The following REC114 variants were observed in gnomAD, a reference collection of about 807,000 sequenced individuals.
REC114 encodes REC114 meiotic recombination protein.
Under a neutral mutation model 31.3 loss-of-function variants are expected in REC114, and 27 were observed. The ratio of observed to expected loss-of-function variants is 0.86; its 90% CI spans 0.64 to 1.19. The LOEUF (loss-of-function observed/expected upper bound fraction) is 1.19, where lower values mean the gene tolerates loss of function less well. Among genes scored for constraint, REC114 ranks in the 50% most tolerant of loss-of-function variants. The pLI is 0.00. For missense variants in REC114, 344 were observed against 326.9 expected (o/e 1.05, Z -0.40); for synonymous variants, 134 against 127.7 (o/e 1.05, Z -0.33).
chr15:73,524,587 AG>A (rs1893980518), intron 2 of REC114, among the ~76,000 whole-genome samples: 2 of 152,020 alleles, frequency 1.3e-5, no homozygotes, highest in South Asian at 4.2e-4. Flanking sequence ...ACAAGAACGG[AG>A]GTTTCTTTTT....
intron 2 of REC114, among the ~76,000 whole-genome samples, chr15:73,506,072 A>G (rs1170703496): frequency 6.6e-6 from 1 of 152,078 alleles, no homozygotes; most frequent in Non-Finnish European, 1.5e-5. Flanking sequence ...AAATGTTTTC[A>G]TATTGATTTA....
At chr15:73,525,494 C>T (rs1456500629) in intron 2 of REC114, among the ~76,000 whole-genome samples, 1 of 151,718 alleles carries the variant, frequency 6.6e-6, no homozygotes, top group Admixed American at 6.6e-5. Flanking sequence ...CCTTTGAGTA[C>T]TATTTTCACT....
Position 73,542,330 on chromosome 15 carries a change from CAAAAAAAAAAA to C in REC114, c.333+1765_333+1775del, listed in dbSNP as rs749245201. ...TGGGCAACAGAGCAAGACTCTGTCT[CAAAAAAAAAAA>C]AAGAAAAAAAAAAAGAAAAAAGAAA... On this transcript the variant is annotated intron_variant, in intron 3 of 5. Coordinates refer to ENST00000331090, the MANE Select transcript of REC114 (RefSeq NM_001042367.2). Among the ~76,000 whole-genome samples the C allele has an allele frequency of 4.9e-3, 243 of 49,880 alleles. 1 individual carries two copies. The highest frequency in any genetic ancestry group is 0.012 in the Middle Eastern group (1 of 82). The allele number at this position is 49,880 out of a possible 152,430, so 32.7% of individuals were successfully genotyped here. A position where few individuals can be genotyped will look rare whatever the true frequency, so the allele number is the denominator to read the frequency against.
At chr15:73,468,503 C>G (rs1893091591) in intron 1 of REC114, among the ~76,000 whole-genome samples, 1 of 152,024 alleles carries the variant, frequency 6.6e-6, no homozygotes, top group African/African-American at 2.4e-5. Context: ...ATCATGTTGT[C>G]TGTGAATAAA....
At chr15:73,454,949 C>G (rs1351495161) in intron 1 of REC114, among the ~76,000 whole-genome samples, 1 of 152,144 alleles carries the variant, frequency 6.6e-6, no homozygotes, top group Non-Finnish European at 1.5e-5. Flanking sequence ...TTATAAGGAA[C>G]AGTGCTTTTA....
At position 73,463,233 on chromosome 15, in the gene REC114, G is replaced by A. The variant is rs567454658; in HGVS notation, c.160-10599G>A. ...TTGACCTCACCTCTCTCTCTTCCTT[G>A]CGGTTTAAGAAATCAGGTTGTTCTA... On this transcript the variant is annotated intron_variant, in intron 1 of 5. Coordinates refer to ENST00000331090, the MANE Select transcript of REC114 (RefSeq NM_001042367.2). Among the ~76,000 whole-genome samples the A allele has an allele frequency of 3.3e-5, 5 of 152,002 alleles. No homozygotes were observed. The South Asian group carries it at 8.3e-4, about 25-fold the overall frequency.
intron 1 of REC114, among the ~76,000 whole-genome samples, chr15:73,448,093 T>G (rs1892792236): frequency 6.7e-6 from 1 of 149,250 alleles, no homozygotes; most frequent in African/African-American, 2.6e-5. Flanking sequence ...CTGCAGGAGT[T>G]TGTTTGTTTT....
At chr15:73,476,851 G>A (rs923681982) in intron 2 of REC114, among the ~76,000 whole-genome samples, 2 of 152,030 alleles carry the variant, frequency 1.3e-5, no homozygotes, top group African/African-American at 4.8e-5. Context: ...ATTTGTATAC[G>A]AGCCTTTGGG....
intron 2 of REC114, among the ~76,000 whole-genome samples, chr15:73,497,412 A>C (rs1893543518): frequency 6.6e-6 from 1 of 152,136 alleles, no homozygotes; most frequent in Non-Finnish European, 1.5e-5. Flanking sequence ...TGCTCACTTC[A>C]TTCTGTAGGT....
chr15:73,532,083 A>T (rs1894093363), intron 2 of REC114, among the ~76,000 whole-genome samples: 1 of 149,774 alleles, frequency 6.7e-6, no homozygotes, highest in East Asian at 2.0e-4. Flanking sequence ...AGCTGCACCC[A>T]CTAACTCGTC....
chr15:73,478,548 T>A (rs754956323), intron 2 of REC114, among the ~76,000 whole-genome samples: 1 of 152,210 alleles, frequency 6.6e-6, no homozygotes, highest in Non-Finnish European at 1.5e-5. Flanking sequence ...TTTTCAAAGT[T>A]GTTTTGACTA....
At chr15:73,498,804 A>T (rs1397784820) in intron 2 of REC114, among the ~76,000 whole-genome samples, 1 of 152,232 alleles carries the variant, frequency 6.6e-6, no homozygotes, top group Non-Finnish European at 1.5e-5. Context: ...GATTAGAAAT[A>T]GCCTTGCCTC....
intron 1 of REC114, among the ~76,000 whole-genome samples, chr15:73,454,732 T>G (rs538704977): frequency 1.2e-4 from 19 of 152,306 alleles, no homozygotes; most frequent in Admixed American, 9.2e-4. Flanking sequence ...GGTGACATAT[T>G]TAATTTTTGA....
At position 73,533,763 on chromosome 15, in the gene REC114, A is replaced by C. The variant is rs1475511709; in HGVS notation, c.250-6722A>C. Among the ~76,000 whole-genome samples the C allele has an allele frequency of 6.4e-4, 93 of 145,812 alleles. No homozygotes were observed. The East Asian group carries it at 0.016, about 26-fold the overall frequency. On this transcript the variant is annotated intron_variant, in intron 2 of 5. Transcript: ENST00000331090. Reference sequence around the variant, plus strand: ...TTTTCAGCACCACACCACACCTATTACAAAATTGACCACATACTGGGAAGT... The same window carrying C: ...TTTTCAGCACCACACCACACCTATTCCAAAATTGACCACATACTGGGAAGT...
intron 1 of REC114, among the ~76,000 whole-genome samples, chr15:73,452,744 T>C (rs1348184605): frequency 4.6e-5 from 7 of 152,298 alleles, no homozygotes; most frequent in Admixed American, 4.6e-4. Flanking sequence ...ACTACAAGTC[T>C]ACAGTAACCA....
In REC114 at chr15:73,552,157, A is replaced by G. The variant is rs555940104; in HGVS notation, c.546+1007A>G. 1.1e-4 allele frequency among the ~76,000 whole-genome samples: 17 copies of G among 152,368 alleles called. No individual in the cohort carries two copies. The South Asian group carries it at 3.5e-3, about 32-fold the overall frequency. On this transcript the variant is annotated intron_variant, in intron 4 of 5. Transcript: ENST00000331090. ...GTTTATTGCCATGGTTTCAGATTCT[A>G]TATTGCAACTTAACTTTAAGCAACT... is the stretch of plus-strand genomic sequence containing the variant.
chr15:73,444,465 T>G (rs900666089), intron 1 of REC114, among the ~76,000 whole-genome samples: 1 of 152,212 alleles, frequency 6.6e-6, no homozygotes, highest in Non-Finnish European at 1.5e-5. Flanking sequence ...GGAAACCACT[T>G]TCTTTGCTCA....
Position 73,559,927 on chromosome 15 carries a change from A to ACATATATAACTAAGGAACTT in REC114, c.*14_*33dup. 1.9e-6 allele frequency: 3 copies of ACATATATAACTAAGGAACTT among 1,572,856 alleles called. No individual in the cohort carries two copies. Among genetic ancestry groups the ACATATATAACTAAGGAACTT allele is most frequent in the South Asian group, 2.4e-5 (2 of 82,676 alleles). On this transcript the variant is annotated 3_prime_UTR_variant, in exon 6 of 6. Coordinates refer to ENST00000331090, the MANE Select transcript of REC114 (RefSeq NM_001042367.2). Reference sequence around the variant, plus strand: ...GGTTTGAGAAATTAATGCTCTATATACATATATAACTAAGGAACTTCAAAG... The same window carrying ACATATATAACTAAGGAACTT: ...GGTTTGAGAAATTAATGCTCTATATACATATATAACTAAGGAACTTCATATATAACTAAGGAACTTCAAAG...
intron 1 of REC114, among the ~76,000 whole-genome samples, chr15:73,472,773 G>A (rs1480103599): frequency 6.6e-6 from 1 of 151,980 alleles, no homozygotes; most frequent in Non-Finnish European, 1.5e-5. Context: ...TCGATAGGTT[G>A]GAACTATAGA....
Sources: gnomAD v4.1 joint callset for allele counts (sites outside exome capture counted in the v4.1 genomes callset) on GRCh38, gnomAD v4.1.1 for gene constraint, MANE v1.5 for transcripts, NCBI Gene and HGNC (gene_info 2026-07-23, HGNC 2026-07-21) for gene names.